The following HERC1 variants were observed in gnomAD, a reference collection of about 807,000 sequenced individuals.
HERC1 encodes the protein HECT and RLD domain containing E3 ubiquitin protein ligase family member 1.
HERC1 carries 160 observed loss-of-function variants against 554.3 expected under a neutral mutation model. That is an observed-to-expected ratio of 0.29 (90% CI 0.25 to 0.33). The LOEUF is 0.33. HERC1 is among the 10% of genes least tolerant of loss of function. The pLI is 1.00. For synonymous variants in HERC1, 2,175 were observed against 2,131.7 expected (o/e 1.02, Z -0.56); for missense variants, 4,919 against 5,918.5 (o/e 0.83, Z 5.54).
chr15:63,690,690 A>G, intron 31 of HERC1, 43 bp from the exon 32 acceptor site: 1 of 1,230,076 alleles, frequency 8.1e-7, no homozygotes, highest in Non-Finnish European at 1.2e-6. Context: ...TGTGACTTAA[A>G]TTCAAAGTTA....
intron 6 of HERC1, 97 bp downstream of exon 6, chr15:63,755,130 GAC>G (rs58698103): frequency 0.036 from 27,067 of 760,496 alleles, 619 homozygotes; most frequent in Non-Finnish European, 0.049. Context: ...CAAAATAAAT[GAC>G]AGTCTTTGGC....
chr15:63,672,741 T>C, intron 38 of HERC1, 47 bp from the exon 39 acceptor site: 4 of 1,353,688 alleles, frequency 3.0e-6, no homozygotes, highest in Non-Finnish European at 2.0e-6. Flanking sequence ...ATTTGTTTTT[T>C]CAAAAATAAC....
At chr15:63,750,090 T>C in intron 8 of HERC1, among the ~76,000 whole-genome samples, 2 of 152,226 alleles carry the variant, frequency 1.3e-5, no homozygotes, top group East Asian at 3.8e-4. Context: ...TTTGTTATAT[T>C]TGCCCCATCT....
chr15:63,783,535 T>C (rs1478607824), intron 1 of HERC1, among the ~76,000 whole-genome samples: 5 of 152,054 alleles, frequency 3.3e-5, no homozygotes. Flanking sequence ...CCAAAAAAAC[T>C]GTGTGACTTG....
In HERC1 at chr15:63,723,239, A is replaced by T. The variant is rs2073896840; in HGVS notation, c.3685T>A (p.Ser1229Thr). 1 of 1,599,688 alleles carries T rather than the reference A, an allele frequency of 6.3e-7. No homozygotes were observed. The highest frequency in any genetic ancestry group is 1.7e-4 in the Middle Eastern group (1 of 6,046). The change falls in exon 19 of 78, where the codon TCT becomes ACT. Residue 1229 changes from serine (S) to threonine (T), a missense_variant. By Grantham distance (58) the Ser-to-Thr change is moderately conservative. This residue lies in a region of HERC1 where 1,121 missense variants were observed against 1,244.0 expected (regional missense o/e 0.90). Transcript: ENST00000443617. ...AVYVDLALGC[S>T]KEPARSLWIS... Reference sequence around the variant, plus strand: ...CAAAGGCTTCGGGCAGGCTCTTTAGAACAACCCAATGCCAAGTCTACATAG... The same window carrying T: ...CAAAGGCTTCGGGCAGGCTCTTTAGTACAACCCAATGCCAAGTCTACATAG...
intron 1 of HERC1, among the ~76,000 whole-genome samples, chr15:63,822,335 C>T (rs1252163583): frequency 6.6e-6 from 1 of 152,172 alleles, no homozygotes; most frequent in African/African-American, 2.4e-5. Flanking sequence ...CCTGCAATCC[C>T]AGCACTTTGG....
At position 63,655,827 on chromosome 15, in the gene HERC1, A is replaced by G; in HGVS notation, c.9999T>C (p.Val3333=). The part of the protein sequence containing the change: ...ENKLVTSPNF[V]VTQALVALLA... ...GCAATGCCACAAGGGCCTGTGTTACAACAAAGTTTGGGGAGGTCACAAGCT... is the reference window on the plus strand; with the variant it reads ...GCAATGCCACAAGGGCCTGTGTTACGACAAAGTTTGGGGAGGTCACAAGCT... Residue 3333 remains valine, a synonymous_variant, in exon 50 of 78, where the codon GTT becomes GTC. Transcript: ENST00000443617. 1.9e-6 allele frequency: 3 copies of G among 1,600,318 alleles called. No individual in the cohort carries two copies. The highest frequency in any genetic ancestry group is 2.6e-6 in the Non-Finnish European group (3 of 1,172,820).
At position 63,718,467 on chromosome 15, in the gene HERC1, G is replaced by T; in HGVS notation, c.3978+107C>A. ...GGAAAAGAACTACTCAACATGTATT[G>T]AACATATGCAATAACCAAGGCACAT... On this transcript the variant is annotated intron_variant, in intron 21 of 77. Transcript: ENST00000443617. The surrounding 1 kb of genome is among the most constrained non-coding windows in gnomAD (Gnocchi z 4.2). 2.0e-6 allele frequency: 2 copies of T among 1,006,392 alleles called. No homozygotes were observed. Among genetic ancestry groups the T allele is most frequent in the Non-Finnish European group, 1.4e-6 (1 of 707,754 alleles). 62.3% of individuals were successfully genotyped at this position (1,006,392 alleles called of 1,614,324 possible).
Position 63,718,774 on chromosome 15 carries a change from G to A in HERC1, c.3857+9C>T, listed in dbSNP as rs1438342123. 1 of 1,610,626 alleles carries A rather than the reference G, an allele frequency of 6.2e-7. No homozygotes were observed. Among genetic ancestry groups the A allele is most frequent in the South Asian group, 1.1e-5 (1 of 90,560 alleles). Reference sequence around the variant, plus strand: ...AATATTTGTCTGAGGATAGTTTTAAGTTACTTGCCGGCTTTCTCCACATGC... The same window carrying A: ...AATATTTGTCTGAGGATAGTTTTAAATTACTTGCCGGCTTTCTCCACATGC... On this transcript the variant is annotated intron_variant, in intron 20 of 77. Transcript: ENST00000443617. The surrounding 1 kb of genome is among the most constrained non-coding windows in gnomAD (Gnocchi z 4.2).
At chr15:63,672,125 A>G (rs2070961495) in intron 39 of HERC1, among the ~76,000 whole-genome samples, 1 of 152,242 alleles carries the variant, frequency 6.6e-6, no homozygotes, top group African/African-American at 2.4e-5. Context: ...CAACCTGAGA[A>G]GAGAAAATTA....
chr15:63,666,227 G>T, intron 41 of HERC1, 77 bp from the exon 42 acceptor site: 1 of 1,397,182 alleles, frequency 7.2e-7, no homozygotes, highest in Non-Finnish European at 9.9e-7. Context: ...TGTTTGCTAT[G>T]ATGCTCTTGT....
chr15:63,798,826 G>T (rs10162809), intron 1 of HERC1, among the ~76,000 whole-genome samples: 69,600 of 152,040 alleles, frequency 0.46, 17,073 homozygotes, highest in Non-Finnish European at 0.55. Context: ...TAACTCATAG[G>T]TATATTAAGG....
chr15:63,744,154 G>GTGTGTGTGTGTGTGTGTGTGTGTGTC (rs1567077976), intron 12 of HERC1, among the ~76,000 whole-genome samples: 21 of 42,088 alleles, frequency 5.0e-4, no homozygotes, highest in Non-Finnish European at 1.6e-3. Context: ...GTGTGTGTGT[G>GTGTGTGTGTGTGTGTGTGTGTGTGTC]TGTGTGTGTG....
chr15:63,822,740 G>C (rs2077747921), intron 1 of HERC1, among the ~76,000 whole-genome samples: 1 of 152,140 alleles, frequency 6.6e-6, no homozygotes, highest in Admixed American at 6.5e-5. Flanking sequence ...CCAGATAAGA[G>C]ACTATTATAA....
intron 1 of HERC1, among the ~76,000 whole-genome samples, chr15:63,804,553 T>C (rs924462698): frequency 2.0e-5 from 3 of 150,980 alleles, no homozygotes; most frequent in Non-Finnish European, 4.4e-5. Flanking sequence ...ACCATTGCAC[T>C]CCAGCCTGGG....
intron 34 of HERC1, among the ~76,000 whole-genome samples, chr15:63,686,144 C>T (rs1223094682): frequency 6.6e-6 from 1 of 152,114 alleles, no homozygotes. Context: ...CCATTTTTAA[C>T]ATTTTTGAGA....
Position 63,692,040 on chromosome 15 carries a change from A to G in HERC1, c.5830+371T>C, listed in dbSNP as rs1393396249. Among the ~76,000 whole-genome samples the G allele has an allele frequency of 6.6e-6, 1 of 152,226 alleles. No homozygotes were observed. The highest frequency in any genetic ancestry group is 1.5e-5 in the Non-Finnish European group (1 of 68,036). On this transcript the variant is annotated intron_variant, in intron 31 of 77. Coordinates refer to ENST00000443617, the MANE Select transcript of HERC1 (RefSeq NM_003922.4). This position sits in a 1 kb window ranked among gnomAD's most constrained non-coding sequence, Gnocchi z 4.7. ...TCACAATCAAGGCAACAGAAATCAC[A>G]TTATGATAAGAGAGACTGTACAAAT...
rs759481146 is a variant in HERC1 at position 63,632,612 on chromosome 15, C to CA, written c.12796+96dup. ...CATAGTGACTACTCACCACCTAGAACAAAAAAAGGACTCAATTTAGAGCAC... is the reference window on the plus strand; with the variant it reads ...CATAGTGACTACTCACCACCTAGAACAAAAAAAAGGACTCAATTTAGAGCAC... On this transcript the variant is annotated intron_variant, in intron 68 of 77. Transcript: ENST00000443617. 124 of 809,232 alleles carry CA rather than the reference C, an allele frequency of 1.5e-4. 2 individuals are homozygous for CA. The East Asian group carries it at 3.2e-3, about 21-fold the overall frequency. 50.1% of individuals were successfully genotyped at this position (809,232 alleles called of 1,614,324 possible). A position where few individuals can be genotyped will look rare whatever the true frequency, so the allele number is the denominator to read the frequency against.
intron 15 of HERC1, 62 bp downstream of exon 15, chr15:63,729,435 A>T (rs1228672102): frequency 1.3e-6 from 2 of 1,596,138 alleles, no homozygotes; most frequent in African/African-American, 2.7e-5. Context: ...ATCATGGCCT[A>T]TCCAAATATC....
Sources: allele counts gnomAD v4.1 joint callset (sites outside exome capture counted in the v4.1 genomes callset), GRCh38; gene constraint gnomAD v4.1.1; regional missense constraint gnomAD v4.1.1; non-coding constraint Gnocchi (gnomAD v3.1); transcripts MANE v1.5; gene names NCBI Gene and HGNC (gene_info 2026-07-23, HGNC 2026-07-21).